Variants in DTWD2 observed in about 807,000 individuals in gnomAD.
DTWD2 encodes the protein DTW motif tRNA-uridine aminocarboxypropyltransferase 2.
Under a neutral mutation model 31.8 loss-of-function variants are expected in DTWD2, and 39 were observed. The observed-to-expected ratio is 1.22, with a 90% CI of 0.95 to 1.60. The LOEUF (loss-of-function observed/expected upper bound fraction) is 1.60, where lower values mean the gene tolerates loss of function less well. Ranked by LOEUF, DTWD2 falls within the 40% of genes most tolerant of loss-of-function variation. The probability of loss-of-function intolerance (pLI) is 0.00; values close to 1 mark genes in which losing one functional copy is unlikely to be tolerated. For missense variants in DTWD2, 515 were observed against 381.5 expected (o/e 1.35, Z -2.92); for synonymous variants, 180 against 142.8 (o/e 1.26, Z -1.86).
At chr5:118,909,245 A>C (rs982549369) in intron 4 of DTWD2, among the ~76,000 whole-genome samples, 1 of 151,950 alleles carries the variant, frequency 6.6e-6, no homozygotes. Flanking sequence ...TCAGCAAAAG[A>C]CTCTAACACC....
At position 118,888,554 on chromosome 5, in the gene DTWD2, T is replaced by C. The variant is rs114613195; in HGVS notation, c.597+39983A>G. Among the ~76,000 whole-genome samples the C allele has an allele frequency of 3.0e-3, 457 of 152,356 alleles. 2 individuals are homozygous for C. The highest frequency in any genetic ancestry group is 0.01 in the African/African-American group (436 of 41,580). On this transcript the variant is annotated intron_variant, in intron 4 of 5. Coordinates refer to ENST00000510708, the MANE Select transcript of DTWD2 (RefSeq NM_173666.4). ...AGTTTGGGGCTATTACAATTAAAGC[T>C]GTATGAGCATTTACATGCAAGTCTT...
chr5:118,934,599 A>G (rs190330790), intron 3 of DTWD2, among the ~76,000 whole-genome samples: 1 of 152,280 alleles, frequency 6.6e-6, no homozygotes, highest in African/African-American at 2.4e-5. Context: ...AAGAAATAGA[A>G]TGGAACGCTA....
intron 4 of DTWD2, among the ~76,000 whole-genome samples, chr5:118,921,631 C>G (rs891039081): frequency 3.9e-5 from 6 of 152,088 alleles, no homozygotes; most frequent in Admixed American, 1.3e-4. Context: ...TGGCTCTCCC[C>G]CAAAGGAGGA....
chr5:118,958,782 A>G (rs1358710557), intron 1 of DTWD2, among the ~76,000 whole-genome samples: 2 of 152,328 alleles, frequency 1.3e-5, no homozygotes, highest in Non-Finnish European at 2.9e-5. Flanking sequence ...TCCCTAGGAT[A>G]CAAGAATGGT....
At chr5:118,864,636 A>G (rs760950645) in intron 4 of DTWD2, among the ~76,000 whole-genome samples, 1 of 144,978 alleles carries the variant, frequency 6.9e-6, no homozygotes, top group Admixed American at 6.7e-5. Flanking sequence ...TTTTTATTTT[A>G]TTTTATTTTT....
chr5:118,988,276 C>A lies in DTWD2; in HGVS notation c.218+18G>T, dbSNP rs1017300508. On this transcript the variant is annotated intron_variant, in intron 1 of 5. Transcript: ENST00000510708. ...GGCCGCTGCCGGCTGCAGTCCCCGCCCCCAGCCCCGCGGTCACCTGCAGCG... is the reference window on the plus strand; with the variant it reads ...GGCCGCTGCCGGCTGCAGTCCCCGCACCCAGCCCCGCGGTCACCTGCAGCG... 4 of 1,526,676 alleles carry A rather than the reference C, an allele frequency of 2.6e-6. No homozygotes were observed. The highest frequency in any genetic ancestry group is 3.5e-6 in the Non-Finnish European group (4 of 1,141,848). The allele number at this position is 1,526,676 out of a possible 1,614,324, so 94.6% of individuals were successfully genotyped here.
chr5:118,870,502 T>C (rs1752477987), intron 4 of DTWD2, among the ~76,000 whole-genome samples: 1 of 152,216 alleles, frequency 6.6e-6, no homozygotes, highest in South Asian at 2.1e-4. Flanking sequence ...AATTTTTTGG[T>C]TTCCCAGCAC....
intron 4 of DTWD2, among the ~76,000 whole-genome samples, chr5:118,882,086 G>C (rs1752754192): frequency 6.6e-6 from 1 of 152,128 alleles, no homozygotes; most frequent in African/African-American, 2.4e-5. Flanking sequence ...AAACAAGTTA[G>C]TTACTTCCAA....
intron 1 of DTWD2, among the ~76,000 whole-genome samples, chr5:118,974,409 A>G (rs1232885470): frequency 6.6e-6 from 1 of 152,200 alleles, no homozygotes; most frequent in African/African-American, 2.4e-5. Flanking sequence ...TTTACATTTT[A>G]TATTTTTGTA....
chr5:118,893,950 C>T (rs752680862), intron 4 of DTWD2, among the ~76,000 whole-genome samples: 3 of 150,036 alleles, frequency 2.0e-5, no homozygotes, highest in Non-Finnish European at 4.4e-5. Flanking sequence ...CGTTGGTTAA[C>T]AAACTGATTT....
intron 4 of DTWD2, among the ~76,000 whole-genome samples, chr5:118,915,939 A>G (rs1404740391): frequency 6.6e-6 from 1 of 152,230 alleles, no homozygotes; most frequent in Non-Finnish European, 1.5e-5. Flanking sequence ...CACAACAGTA[A>G]TGCAATGTGA....
chr5:118,872,085 T>A (rs1227360200), intron 4 of DTWD2, among the ~76,000 whole-genome samples: 3 of 152,134 alleles, frequency 2.0e-5, no homozygotes, highest in African/African-American at 7.2e-5. Context: ...AGCTTCAAAC[T>A]TTTCTCCTGT....
At chr5:118,913,319 T>A (rs1753499766) in intron 4 of DTWD2, among the ~76,000 whole-genome samples, 1 of 151,360 alleles carries the variant, frequency 6.6e-6, no homozygotes, top group African/African-American at 2.4e-5. Context: ...AAACTGTAAC[T>A]CTTCCCTGGG....
chr5:118,871,624 G>T (rs77795459), intron 4 of DTWD2, among the ~76,000 whole-genome samples: 3,229 of 152,238 alleles, frequency 0.021, 55 homozygotes, highest in Non-Finnish European at 0.026. Context: ...TTTTCTCTGA[G>T]CAATAGGTGT....
chr5:118,844,336 G>C (rs1429187865), intron 5 of DTWD2, among the ~76,000 whole-genome samples: 1 of 152,178 alleles, frequency 6.6e-6, no homozygotes. Flanking sequence ...TTCGTAAGTA[G>C]AAAAGGTTCT....
intron 4 of DTWD2, among the ~76,000 whole-genome samples, chr5:118,900,561 A>C (rs531182251): frequency 6.6e-6 from 1 of 152,350 alleles, no homozygotes; most frequent in South Asian, 2.1e-4. Flanking sequence ...AAAAAAGATA[A>C]AGTATTTTGT....
intron 4 of DTWD2, among the ~76,000 whole-genome samples, chr5:118,882,463 T>C (rs1470168196): frequency 6.6e-6 from 1 of 152,252 alleles, no homozygotes; most frequent in Admixed American, 6.5e-5. Context: ...CACTAGGCAG[T>C]GCTCCACTGG....
At chr5:118,880,754 A>T (rs1057030135) in intron 4 of DTWD2, among the ~76,000 whole-genome samples, 1 of 152,172 alleles carries the variant, frequency 6.6e-6, no homozygotes, top group Non-Finnish European at 1.5e-5. Context: ...GGCTAGTCTA[A>T]AATGTTTAAA....
At position 118,843,440 on chromosome 5, in the gene DTWD2, T is replaced by C. The variant is rs552945039; in HGVS notation, c.727-2353A>G. 3.3e-5 allele frequency among the ~76,000 whole-genome samples: 5 copies of C among 151,862 alleles called. No individual in the cohort carries two copies. In the South Asian group the frequency reaches 8.3e-4, roughly 25 times the overall value. On this transcript the variant is annotated intron_variant, in intron 5 of 5. Coordinates refer to ENST00000510708, the MANE Select transcript of DTWD2 (RefSeq NM_173666.4). ...GGAAAGGCTCTGCACAATATTATTG[T>C]AGAAAACTCCTTATGCATGTTCCCG...
Sources: gnomAD v4.1 joint callset for allele counts (sites outside exome capture counted in the v4.1 genomes callset) on GRCh38, gnomAD v4.1.1 for gene constraint, MANE v1.5 for transcripts, NCBI Gene and HGNC (gene_info 2026-07-23, HGNC 2026-07-21) for gene names.